MMS19: variants seen among roughly 807,000 people sequenced by gnomAD.
MMS19 encodes MMS19 cytosolic iron-sulfur assembly component.
In MMS19, 77 loss-of-function variants were observed where a neutral mutation model predicts 129.8. That is an observed-to-expected ratio of 0.59 (90% CI 0.49 to 0.72). MMS19 has a LOEUF of 0.72. Ranked by LOEUF, MMS19 falls within the 30% of genes least tolerant of loss-of-function variation. MMS19 has a pLI of 0.00. For synonymous variants in MMS19, 491 were observed against 502.8 expected (o/e 0.98, Z 0.31); for missense variants, 1,168 against 1,266.3 (o/e 0.92, Z 1.18).
chr10:97,468,206 T>TA (rs1468183831), intron 13 of MMS19, 46 bp downstream of exon 13: 2 of 1,480,112 alleles, frequency 1.4e-6, no homozygotes, highest in African/African-American at 2.8e-5. Context: ...AAAGGGAACC[T>TA]AGCACACAGG....
In MMS19 at chr10:97,477,377, T is replaced by A. The variant is rs2035954328; in HGVS notation, c.463A>T (p.Ile155Phe). ...TCCCGGGTTCGCATAAAATTGGTGA[T>A]GATATTGTAGACTGTGTGTCGGTCC... ...QVDRHTVYNI[I>F]TNFMRTREEE... The change falls in exon 6 of 31, where the codon ATC (isoleucine) becomes TTC (phenylalanine). Residue 155 changes from isoleucine to phenylalanine, a missense_variant. Physicochemically the swap from Ile to Phe is conservative, Grantham distance 21 (BLOSUM62 0). This residue lies in a region of MMS19 where 329 missense variants were observed against 328.6 expected (regional missense o/e 1.00). Transcript: ENST00000438925. 2 of 1,613,762 alleles carry A rather than the reference T, an allele frequency of 1.2e-6. No individual in the cohort carries two copies. The highest frequency in any genetic ancestry group is 1.7e-6 in the Non-Finnish European group (2 of 1,179,814).
intron 11 of MMS19, 33 bp from the exon 12 acceptor site, chr10:97,469,137 G>A (rs1438016559): frequency 9.7e-6 from 15 of 1,551,810 alleles, no homozygotes; most frequent in African/African-American, 2.7e-5. Context: ...CTACTGAGGT[G>A]AGCCTGCACC....
intron 9 of MMS19, 137 bp from the exon 10 acceptor site, chr10:97,470,340 G>A: frequency 1.5e-6 from 1 of 675,858 alleles, no homozygotes; most frequent in East Asian, 2.7e-5. Flanking sequence ...AGCTATGAAT[G>A]TAAGCTAACC....
intron 1 of MMS19, among the ~76,000 whole-genome samples, chr10:97,494,093 G>A (rs1478304241): frequency 6.6e-6 from 1 of 152,148 alleles, no homozygotes; most frequent in Non-Finnish European, 1.5e-5. Flanking sequence ...TGGACTCCTG[G>A]GATGAAGAAA....
intron 19 of MMS19, 83 bp downstream of exon 19, chr10:97,463,775 C>T: frequency 8.2e-7 from 1 of 1,214,838 alleles, no homozygotes; most frequent in Non-Finnish European, 1.2e-6. Context: ...AATACAGTAC[C>T]ACCAATACCC....
chr10:97,490,138 G>A (rs1589794967), intron 1 of MMS19, among the ~76,000 whole-genome samples: 3 of 152,094 alleles, frequency 2.0e-5, no homozygotes, highest in African/African-American at 7.2e-5. Flanking sequence ...CTGTGCAGTA[G>A]TACAATCATG....
intron 1 of MMS19, among the ~76,000 whole-genome samples, chr10:97,496,318 C>A (rs1470072318): frequency 6.6e-6 from 1 of 151,918 alleles, no homozygotes; most frequent in Non-Finnish European, 1.5e-5. Context: ...GAGTTAGAGA[C>A]CAACCTAGGC....
chr10:97,486,895 A>ATATATATATATATATATATAT (rs57015711), intron 1 of MMS19, among the ~76,000 whole-genome samples: 243 of 140,132 alleles, frequency 1.7e-3, no homozygotes, highest in Non-Finnish European at 2.8e-3. Flanking sequence ...ATATATATAT[A>ATATATATATATATATATATAT]AAATTAAGAC....
intron 1 of MMS19, among the ~76,000 whole-genome samples, chr10:97,490,626 G>A (rs533544183): frequency 6.6e-6 from 1 of 152,110 alleles, no homozygotes; most frequent in Non-Finnish European, 1.5e-5. Context: ...GCCAATGCTG[G>A]AAAAAGTGAA....
chr10:97,479,494 T>C (rs1295695861), intron 3 of MMS19, among the ~76,000 whole-genome samples: 3 of 152,216 alleles, frequency 2.0e-5, no homozygotes, highest in East Asian at 3.9e-4. Flanking sequence ...GTGTGGCATC[T>C]CTACAGGGGG....
At chr10:97,468,940 C>A (rs773129049) in intron 12 of MMS19, 26 bp downstream of exon 12, 84 of 1,573,224 alleles carry the variant, frequency 5.3e-5, no homozygotes, top group Non-Finnish European at 7.1e-5. Context: ...GCTCACTCCC[C>A]TTCCTGGCTG....
intron 2 of MMS19, among the ~76,000 whole-genome samples, chr10:97,483,823 A>G (rs1207791878): frequency 6.6e-6 from 1 of 152,224 alleles, no homozygotes; most frequent in Non-Finnish European, 1.5e-5. Context: ...ATGGCCTTCA[A>G]CCACGTACCT....
Position 97,476,701 on chromosome 10 carries a change from G to T in MMS19, c.666C>A (p.Phe222Leu). The part of the protein sequence containing the change: ...EELFEVTSCY[F>L]PIDFTPPPND... ...TACTTACAGGGGTAAAATCGATAGGGAAATAACAGGATGTCACTTCAAACA... is the reference window on the plus strand; with the variant it reads ...TACTTACAGGGGTAAAATCGATAGGTAAATAACAGGATGTCACTTCAAACA... Residue 222 changes from phenylalanine (F) to leucine (L), a missense_variant, in exon 8 of 31, where the codon TTC (phenylalanine) becomes TTA (leucine). This residue lies in a region of MMS19 where 329 missense variants were observed against 328.6 expected (regional missense o/e 1.00). Transcript: ENST00000438925. 6.2e-7 allele frequency: 1 copy of T among 1,613,878 alleles called. No individual in the cohort carries two copies. Among genetic ancestry groups the T allele is most frequent in the Non-Finnish European group, 8.5e-7 (1 of 1,179,842 alleles).
intron 3 of MMS19, among the ~76,000 whole-genome samples, chr10:97,479,611 T>C (rs1259606023): frequency 6.6e-6 from 1 of 152,200 alleles, no homozygotes; most frequent in East Asian, 1.9e-4. Context: ...TCACTGAACA[T>C]GCCTAGTCCA....
Position 97,477,260 on chromosome 10 carries a change from T to C in MMS19, c.493+87A>G, listed in dbSNP as rs1564665398. ...CTCTCAGGATACCAGCTCTTCTATA[T>C]AACCCCAGGTAAAATGAGTCCTACT... On this transcript the variant is annotated intron_variant, in intron 6 of 30. Coordinates refer to ENST00000438925, the MANE Select transcript of MMS19 (RefSeq NM_022362.5). The C allele has an allele frequency of 3.9e-5, 62 of 1,607,018 alleles. No homozygotes were observed. In the South Asian group the frequency reaches 6.5e-4, roughly 17 times the overall value.
chr10:97,493,296 C>A (rs959466212), intron 1 of MMS19, among the ~76,000 whole-genome samples: 3 of 152,188 alleles, frequency 2.0e-5, no homozygotes, highest in Non-Finnish European at 4.4e-5. Context: ...CAGGCATGAA[C>A]CACCATGCCT....
chr10:97,479,926 T>C (rs1248278409), intron 3 of MMS19, among the ~76,000 whole-genome samples: 1 of 152,076 alleles, frequency 6.6e-6, no homozygotes, highest in African/African-American at 2.4e-5. Flanking sequence ...CCAGAAAAGT[T>C]TCCTGTAAAG....
In MMS19 at chr10:97,459,592, C is replaced by T. The variant is rs1044523180; in HGVS notation, c.2740-66G>A. The T allele has an allele frequency of 3.8e-6, 6 of 1,599,854 alleles. No individual in the cohort carries two copies. In the Admixed American group the frequency reaches 5.2e-5, roughly 14 times the overall value. The stretch of plus-strand genomic sequence containing the variant: ...AAGATCCTGGTTCTTGTTCCCTCCC[C>T]TTTCTAGCCCCATCTGGGGAAGAAT... On this transcript the variant is annotated intron_variant, in intron 27 of 30. Coordinates refer to ENST00000438925, the MANE Select transcript of MMS19 (RefSeq NM_022362.5).
chr10:97,491,442 G>A (rs939441976), intron 1 of MMS19, among the ~76,000 whole-genome samples: 2 of 152,198 alleles, frequency 1.3e-5, no homozygotes, highest in African/African-American at 2.4e-5. Context: ...CGAGGTGGGT[G>A]GATCATGAGG....
Sources: gnomAD v4.1 joint callset for allele counts (sites outside exome capture counted in the v4.1 genomes callset) on GRCh38, gnomAD v4.1.1 for gene constraint, gnomAD v4.1.1 regional missense constraint, MANE v1.5 for transcripts, NCBI Gene and HGNC (gene_info 2026-07-23, HGNC 2026-07-21) for gene names.